ARRDC2: variants seen among roughly 807,000 people sequenced by gnomAD.
ARRDC2 encodes the protein arrestin domain containing 2.
ARRDC2 carries 39 observed loss-of-function variants against 38.9 expected under a neutral mutation model. The ratio of observed to expected loss-of-function variants is 1.00; its 90% CI spans 0.78 to 1.31. The LOEUF (loss-of-function observed/expected upper bound fraction) is 1.31, where lower values mean the gene tolerates loss of function less well. ARRDC2 is among the 50% of genes most tolerant of loss of function. The pLI is 0.00. For missense variants in ARRDC2, 553 were observed against 588.4 expected, an observed-to-expected ratio of 0.94 and a Z score of 0.62; for synonymous variants, 300 against 261.9, an observed-to-expected ratio of 1.15 and a Z score of -1.41.
Position 18,010,333 on chromosome 19 carries a change from G to T in ARRDC2, c.987G>T (p.Leu329=). ...SHASFLLDWR[L]GALPERPEAP... ...CCAGCTTCCTGCTGGACTGGAGGCT[G>T]GGGGCCTTGCCGGAGCGGCCTGAGG... is the stretch of plus-strand genomic sequence containing the variant. The change falls in exon 6 of 8, where the codon CTG becomes CTT. Residue 329 remains leucine (L), a synonymous_variant. Coordinates refer to ENST00000222250, the MANE Select transcript of ARRDC2 (RefSeq NM_015683.2). 2 of 1,611,308 alleles carry T rather than the reference G, an allele frequency of 1.2e-6. No homozygotes were observed. Among genetic ancestry groups the T allele is most frequent in the Non-Finnish European group, 1.7e-6 (2 of 1,179,942 alleles).
At position 18,008,183 on chromosome 19, in the gene ARRDC2, G is replaced by T. The variant is rs1348909919; in HGVS notation, c.-128G>T. ...GCACGGCGCGGGGATTTTCTGCTCCGGTTGGTGAGCGCGCCTGCGCGTTGA... is the reference window on the plus strand; with the variant it reads ...GCACGGCGCGGGGATTTTCTGCTCCTGTTGGTGAGCGCGCCTGCGCGTTGA... On this transcript the variant is annotated 5_prime_UTR_variant, in exon 1 of 8. Transcript: ENST00000222250. The T allele has an allele frequency of 2.3e-6, 3 of 1,308,786 alleles. No individual in the cohort carries two copies. Among genetic ancestry groups the T allele is most frequent in the African/African-American group, 1.7e-5 (1 of 60,584 alleles). 81.1% of individuals were successfully genotyped at this position (1,308,786 alleles called of 1,614,324 possible).
chr19:18,010,445 C>G, intron 6 of ARRDC2, 87 bp downstream of exon 6: 1 of 1,559,550 alleles, frequency 6.4e-7, no homozygotes, highest in Middle Eastern at 2.2e-4. Flanking sequence ...ACGAGTCCCC[C>G]GGAATCCCAA....
At chr19:18,007,478 G>A (rs1215204171), upstream of ARRDC2, 1 of 152,408 alleles carries the variant, frequency 6.6e-6, no homozygotes, top group Non-Finnish European at 1.5e-5. Context: ...GTCAAGAGCA[G>A]GTTGATGACC....
upstream of ARRDC2, among the ~76,000 whole-genome samples, chr19:18,004,475 G>T (rs1047745769): frequency 6.7e-6 from 1 of 149,916 alleles, no homozygotes; most frequent in African/African-American, 2.4e-5. Context: ...TCGAACTCCT[G>T]ACCTCAGGTG....
At position 18,010,346 on chromosome 19, in the gene ARRDC2, G is replaced by T. The variant is rs1178166133; in HGVS notation, c.1000G>T (p.Glu334Ter). The T allele has an allele frequency of 1.2e-6, 2 of 1,609,510 alleles. No individual in the cohort carries two copies. The highest frequency in any genetic ancestry group is 2.7e-5 in the African/African-American group (2 of 74,936). ...GGACTGGAGGCTGGGGGCCTTGCCG[G>T]AGCGGCCTGAGGGTAAGCTCCCACC... ...LLDWRLGALP[E>*]RPEAPPEYSE... Residue 334 changes from glutamate (E) to a stop codon, truncating the protein, a stop_gained, in exon 6 of 8, where the codon GAG becomes TAG. Transcript: ENST00000222250. LOFTEE classifies it high-confidence loss of function.
exon 1 of ARRDC2, chr19:18,001,262 C>A: frequency 1.7e-6 from 2 of 1,160,848 alleles, no homozygotes; most frequent in East Asian, 4.0e-5. Context: ...CAGGCGCGCC[C>A]GGGCCGTGTG....
upstream of ARRDC2, among the ~76,000 whole-genome samples, chr19:18,006,533 C>G (rs1335428449): frequency 2.0e-5 from 3 of 152,186 alleles, no homozygotes; most frequent in East Asian, 1.9e-4. Flanking sequence ...ACAGGAGAAT[C>G]AGGCAGGGAG....
intron 6 of ARRDC2, 44 bp from the exon 7 acceptor site, chr19:18,010,528 G>C (rs1438766497): frequency 6.2e-7 from 1 of 1,605,976 alleles, no homozygotes; most frequent in East Asian, 2.2e-5. Flanking sequence ...CTTGGAGCAG[G>C]GCTCTCTCCT....
chr19:18,002,004 A>G (rs1448382372), intron 1 of ARRDC2, among the ~76,000 whole-genome samples: 9 of 152,114 alleles, frequency 5.9e-5, no homozygotes. Flanking sequence ...AGACTCCCTC[A>G]ACTTAGACTG....
Position 18,010,654 on chromosome 19 carries a change from C to G in ARRDC2, c.1095C>G (p.Pro365=). The G allele has an allele frequency of 2.5e-6, 4 of 1,613,836 alleles. No homozygotes were observed. Among genetic ancestry groups the G allele is most frequent in the South Asian group, 1.1e-5 (1 of 91,076 alleles). ...GQSPFPLPQD[P]DMSLEGPFFA... is the part of the protein sequence containing the mutation. ...GCCCCTTCCCGCTTCCGCAGGACCC[C>G]GACATGAGCCTTGAAGGCCCGTTCT... Residue 365 remains proline (P), a synonymous_variant, in exon 7 of 8, where the codon CCC becomes CCG. Coordinates refer to ENST00000222250, the MANE Select transcript of ARRDC2 (RefSeq NM_015683.2).
Position 18,008,255 on chromosome 19 carries a change from C to CGG in ARRDC2, c.-55_-54dup, listed in dbSNP as rs2033323984. 6.4e-7 allele frequency: 1 copy of CGG among 1,563,766 alleles called. No individual in the cohort carries two copies. Among genetic ancestry groups the CGG allele is most frequent in the East Asian group, 2.5e-5 (1 of 40,356 alleles). On this transcript the variant is annotated 5_prime_UTR_variant, in exon 1 of 8. Transcript: ENST00000222250. ...CTGCAGCGTCGGCATCTTGAGCTGC[C>CGG]GGTTCGCGAGTTCGAGGCCAGGTTC...
At chr19:18,006,046 G>A (rs1312417168), upstream of ARRDC2, among the ~76,000 whole-genome samples, 3 of 151,546 alleles carry the variant, frequency 2.0e-5, no homozygotes, top group African/African-American at 2.4e-5. Context: ...GGGCAGAGAC[G>A]CTCCTCACTT....
At position 18,013,946 on chromosome 19, in the gene ARRDC2, A is replaced by G. The variant is rs10426256; in HGVS notation, c.*980A>G. The G allele has an allele frequency of 0.31, 47,725 of 151,886 alleles. 8,959 individuals are homozygous for G. Among genetic ancestry groups the G allele is most frequent in the African/African-American group, 0.53 (21,921 of 41,368 alleles). 9.4% of individuals were successfully genotyped at this position (151,886 alleles called of 1,614,324 possible). On this transcript the variant is annotated 3_prime_UTR_variant, in exon 8 of 8. Transcript: ENST00000222250. ...AGGCTCCCTGTGTCCTGGAGGAGAA[A>G]AGCATTAGAGGGGGCAGCTGGACAA...
Position 18,010,182 on chromosome 19 carries a change from GTTCC to G in ARRDC2, c.850-8_850-5del, listed in dbSNP as rs1568468100. ...GGCTGCCTGGGCACCCTCCCTTATG[GTTCC>G]TTCCTCCAGGTCTGTGTGGATATCC... On this transcript the variant is annotated splice_polypyrimidine_tract_variant and intron_variant, in intron 5 of 7. Transcript: ENST00000222250. The G allele has an allele frequency of 6.2e-7, 1 of 1,611,496 alleles. No individual in the cohort carries two copies. The highest frequency in any genetic ancestry group is 1.3e-5 in the African/African-American group (1 of 75,000).
intron 1 of ARRDC2, among the ~76,000 whole-genome samples, chr19:18,002,420 A>C (rs1234806048): frequency 2.0e-5 from 3 of 152,196 alleles, no homozygotes; most frequent in African/African-American, 7.2e-5. Context: ...CCAGCGAGCC[A>C]GGGGTCACAG....
In ARRDC2 at chr19:18,010,694, G is replaced by C; in HGVS notation, c.1135G>C (p.Glu379Gln). The change falls in exon 7 of 8, where the codon GAG becomes CAG. Residue 379 changes from glutamate to glutamine, a missense_variant. Physicochemically the swap from Glu to Gln is conservative, Grantham distance 29. Coordinates refer to ENST00000222250, the MANE Select transcript of ARRDC2 (RefSeq NM_015683.2). ...AGGCCCGTTCTTCGCCTACATCCAAGAGTTCCGCTACCGCCCGCCACCCCT... is the reference window on the plus strand; with the variant it reads ...AGGCCCGTTCTTCGCCTACATCCAACAGTTCCGCTACCGCCCGCCACCCCT... ...LEGPFFAYIQEFRYRPPPLYS... is the reference protein window; with the variant it reads ...LEGPFFAYIQQFRYRPPPLYS... The C allele has an allele frequency of 1.2e-6, 2 of 1,613,812 alleles. No homozygotes were observed. Among genetic ancestry groups the C allele is most frequent in the Non-Finnish European group, 1.7e-6 (2 of 1,180,028 alleles).
In ARRDC2 at chr19:18,010,508, C is replaced by G. The variant is rs1266908840; in HGVS notation, c.1013-64C>G. On this transcript the variant is annotated intron_variant, in intron 6 of 7. Transcript: ENST00000222250. Reference sequence around the variant, plus strand: ...AGAGCTGGCACAAGCCAGCTCCTGGCCCCTGGTCCCTTGGAGCAGGGCTCT... The same window carrying G: ...AGAGCTGGCACAAGCCAGCTCCTGGGCCCTGGTCCCTTGGAGCAGGGCTCT... 1.9e-6 allele frequency: 3 copies of G among 1,579,666 alleles called. No homozygotes were observed. In the African/African-American group the frequency reaches 4.1e-5, roughly 21 times the overall value.
chr19:18,004,269 C>T (rs374572517), upstream of ARRDC2, among the ~76,000 whole-genome samples: 5,323 of 115,578 alleles, frequency 0.046, 138 homozygotes, highest in Middle Eastern at 0.056. Flanking sequence ...TTTTTTTAGG[C>T]GGAATTTCAC....
chr19:18,001,395 G>C, exon 1 of ARRDC2: 1 of 1,216,576 alleles, frequency 8.2e-7, no homozygotes, highest in Non-Finnish European at 1.0e-6. Context: ...GGGAGCGGCT[G>C]TGCGGCCGGG....
Sources: gnomAD v4.1 joint callset for allele counts (sites outside exome capture counted in the v4.1 genomes callset) on GRCh38, gnomAD v4.1.1 for gene constraint, MANE v1.5 for transcripts, NCBI Gene and HGNC (gene_info 2026-07-23, HGNC 2026-07-21) for gene names.